ZBTB20: variants seen among roughly 807,000 people sequenced by gnomAD.
ZBTB20 encodes zinc finger and BTB domain containing 20, also known as zinc finger and BTB domain-containing protein 20.
In ZBTB20, 9 loss-of-function variants were observed where a neutral mutation model predicts 56.9. The observed-to-expected ratio is 0.16, with a 90% CI of 0.10 to 0.28. The LOEUF (loss-of-function observed/expected upper bound fraction) is 0.28. Ranked by LOEUF, ZBTB20 falls within the 10% of genes least tolerant of loss-of-function variation. ZBTB20 has a pLI of 1.00. For missense variants in ZBTB20, 655 were observed against 1,003.0 expected, an observed-to-expected ratio of 0.65 and a Z score of 4.69; for synonymous variants, 417 against 420.7, an observed-to-expected ratio of 0.99 and a Z score of 0.11.
intron 3 of ZBTB20, among the ~76,000 whole-genome samples, chr3:114,922,062 T>C (rs993255370): frequency 2.6e-5 from 4 of 152,100 alleles, no homozygotes; most frequent in Non-Finnish European, 5.9e-5. Context: ...CACAAATCAA[T>C]AAATGTGATA....
chr3:114,420,516 A>G (rs1462834078), intron 7 of ZBTB20, among the ~76,000 whole-genome samples: 1 of 152,142 alleles, frequency 6.6e-6, no homozygotes, highest in Non-Finnish European at 1.5e-5. Context: ...GGAAAGGTTG[A>G]TACAGGAGAA....
intron 6 of ZBTB20, among the ~76,000 whole-genome samples, chr3:114,635,103 C>A (rs1329638549): frequency 6.6e-6 from 1 of 152,106 alleles, no homozygotes; most frequent in Non-Finnish European, 1.5e-5. Context: ...GAGCCTTGTG[C>A]GACCATTAGA....
At chr3:114,632,382 T>C (rs2059006806) in intron 6 of ZBTB20, among the ~76,000 whole-genome samples, 1 of 152,158 alleles carries the variant, frequency 6.6e-6, no homozygotes, top group African/African-American at 2.4e-5. Flanking sequence ...AATTCCTGAG[T>C]TCAAAAAGAG....
At chr3:115,074,072 C>T (rs1170519520) in intron 1 of ZBTB20, among the ~76,000 whole-genome samples, 1 of 152,072 alleles carries the variant, frequency 6.6e-6, no homozygotes, top group Non-Finnish European at 1.5e-5. Context: ...ACTATTATAG[C>T]CTAGAATCCT....
At chr3:114,698,919 T>G (rs1024504311) in intron 5 of ZBTB20, among the ~76,000 whole-genome samples, 1 of 152,068 alleles carries the variant, frequency 6.6e-6, no homozygotes, top group Non-Finnish European at 1.5e-5. Context: ...TTATTGAAAC[T>G]GAAAAATGAT....
chr3:114,821,837 G>A (rs879443741), intron 4 of ZBTB20, among the ~76,000 whole-genome samples: 8 of 151,916 alleles, frequency 5.3e-5, no homozygotes, highest in Non-Finnish European at 1.0e-4. Flanking sequence ...TCTGAGTTTC[G>A]GGTTTATGGA....
chr3:114,380,002 T>G (rs2084119906), intron 10 of ZBTB20, among the ~76,000 whole-genome samples: 1 of 152,220 alleles, frequency 6.6e-6, no homozygotes, highest in South Asian at 2.1e-4. Context: ...TAATCAGCCC[T>G]TTAAGGCCAA....
chr3:114,871,662 C>A (rs886232333), intron 4 of ZBTB20, among the ~76,000 whole-genome samples: 2 of 152,072 alleles, frequency 1.3e-5, no homozygotes, highest in Non-Finnish European at 1.5e-5. Context: ...TATTTAAGGT[C>A]ACAAATCAAG....
At chr3:114,494,346 G>C (rs2043054343) in intron 7 of ZBTB20, among the ~76,000 whole-genome samples, 1 of 152,100 alleles carries the variant, frequency 6.6e-6, no homozygotes, top group Non-Finnish European at 1.5e-5. Context: ...AGGACTACTG[G>C]TTCTTACCCC....
At chr3:114,617,802 G>T (rs182391904) in intron 6 of ZBTB20, among the ~76,000 whole-genome samples, 1 of 152,234 alleles carries the variant, frequency 6.6e-6, no homozygotes, top group Admixed American at 6.5e-5. Flanking sequence ...TGTTGAAAAT[G>T]CTTTTGCTTA....
intron 3 of ZBTB20, among the ~76,000 whole-genome samples, chr3:114,968,688 C>G (rs879305740): frequency 2.6e-5 from 4 of 152,080 alleles, no homozygotes; most frequent in Non-Finnish European, 4.4e-5. Context: ...CCCCAATTCA[C>G]GAATGAACTC....
At chr3:115,003,410 GTTTT>G (rs112518810) in intron 2 of ZBTB20, among the ~76,000 whole-genome samples, 10 of 144,740 alleles carry the variant, frequency 6.9e-5, no homozygotes, top group East Asian at 4.0e-4. Context: ...TTCTCCCCAG[GTTTT>G]TTTTTTGTTT....
intron 4 of ZBTB20, among the ~76,000 whole-genome samples, chr3:114,896,712 T>C (rs1423487161): frequency 6.6e-6 from 1 of 152,118 alleles, no homozygotes; most frequent in Non-Finnish European, 1.5e-5. Flanking sequence ...GCATCATAAA[T>C]GTATTTAATA....
intron 4 of ZBTB20, among the ~76,000 whole-genome samples, chr3:114,879,433 G>A (rs1463583085): frequency 6.6e-6 from 1 of 152,034 alleles, no homozygotes; most frequent in Non-Finnish European, 1.5e-5. Context: ...AAAACCCTCA[G>A]TAGTGACTAA....
At chr3:114,734,824 A>T (rs2066020951) in intron 5 of ZBTB20, among the ~76,000 whole-genome samples, 1 of 152,114 alleles carries the variant, frequency 6.6e-6, no homozygotes, top group Non-Finnish European at 1.5e-5. Flanking sequence ...AGGGACTGGT[A>T]AGGTGGGAAC....
intron 6 of ZBTB20, among the ~76,000 whole-genome samples, chr3:114,576,480 T>C (rs537567739): frequency 9.1e-5 from 9 of 98,590 alleles, no homozygotes; most frequent in Admixed American, 1.6e-4. Context: ...CCAGCCTGGG[T>C]GACAGAGCAA....
At chr3:114,465,423 G>C (rs201953692) in intron 7 of ZBTB20, among the ~76,000 whole-genome samples, 2 of 152,116 alleles carry the variant, frequency 1.3e-5, no homozygotes, top group African/African-American at 4.8e-5. Context: ...AAAAAGGATA[G>C]GGGCCAGGTG....
Position 114,380,940 on chromosome 3 carries a change from T to A in ZBTB20, c.-153A>T. 1 of 516,074 alleles carries A rather than the reference T, an allele frequency of 1.9e-6. No individual in the cohort carries two copies. The highest frequency in any genetic ancestry group is 3.1e-6 in the Non-Finnish European group (1 of 321,100). The allele number at this position is 516,074 out of a possible 1,614,324, so 32.0% of individuals were successfully genotyped here. ...ACCTCTCTGGGCTTCAGTTTCCTCA[T>A]CTGTAAAATAAAGGGCTTGGATTAG... On this transcript the variant is annotated splice_region_variant and 5_prime_UTR_variant, in exon 9 of 12. An upstream start codon of the reference 5' UTR is lost. Coordinates refer to ENST00000675478, the MANE Select transcript of ZBTB20 (RefSeq NM_001348800.3).
At chr3:114,844,111 G>A (rs2074528837) in intron 4 of ZBTB20, among the ~76,000 whole-genome samples, 2 of 151,814 alleles carry the variant, frequency 1.3e-5, no homozygotes, top group African/African-American at 4.8e-5. Flanking sequence ...TGTCTATACA[G>A]TGGAATACTA....
Sources: allele counts gnomAD v4.1 joint callset (sites outside exome capture counted in the v4.1 genomes callset), GRCh38; gene constraint gnomAD v4.1.1; transcripts MANE v1.5; gene names NCBI Gene and HGNC (gene_info 2026-07-23, HGNC 2026-07-21).